The following L3MBTL4 variants were observed in gnomAD, a reference collection of about 807,000 sequenced individuals.
The protein encoded by L3MBTL4 is lethal(3)malignant brain tumor-like protein 4.
L3MBTL4 carries 70 observed loss-of-function variants against 84.5 expected under a neutral mutation model. That is an observed-to-expected ratio of 0.83 (90% confidence interval 0.68 to 1.01). The LOEUF (loss-of-function observed/expected upper bound fraction) is 1.01, where lower values mean the gene tolerates loss of function less well. Among genes scored for constraint, L3MBTL4 ranks in the 50% least tolerant of loss-of-function variants. The pLI is 0.00. For missense variants in L3MBTL4, 715 were observed against 754.8 expected, an observed-to-expected ratio of 0.95 and a Z score of 0.62; for synonymous variants, 274 against 259.8, an observed-to-expected ratio of 1.05 and a Z score of -0.52.
At chr18:6,105,224 T>G (rs1485794483) in intron 14 of L3MBTL4, among the ~76,000 whole-genome samples, 1 of 138,046 alleles carries the variant, frequency 7.2e-6, no homozygotes, top group East Asian at 2.2e-4. Flanking sequence ...AGAATCTCGC[T>G]CTGTCTCCCA....
intron 1 of L3MBTL4, among the ~76,000 whole-genome samples, chr18:6,385,088 A>G (rs1378182738): frequency 6.6e-6 from 1 of 152,180 alleles, no homozygotes; most frequent in African/African-American, 2.4e-5. Flanking sequence ...CACTATTTCT[A>G]TGGCATTAGA....
chr18:6,133,058 G>T (rs2059922746), intron 14 of L3MBTL4, among the ~76,000 whole-genome samples: 1 of 152,168 alleles, frequency 6.6e-6, no homozygotes, highest in African/African-American at 2.4e-5. Context: ...TGACGATAAT[G>T]ATTCAAGTTT....
At chr18:6,312,153 A>T (rs960847044) in intron 1 of L3MBTL4, 97 bp from the exon 2 acceptor site, 1 of 152,292 alleles carries the variant, frequency 6.6e-6, no homozygotes, top group Non-Finnish European at 1.5e-5. Flanking sequence ...TTGAAAAGTT[A>T]TTTGAAATGA....
chr18:6,069,596 G>A (rs993136708), intron 16 of L3MBTL4, among the ~76,000 whole-genome samples: 4 of 152,178 alleles, frequency 2.6e-5, no homozygotes, highest in African/African-American at 7.2e-5. Flanking sequence ...TGCGGCCACT[G>A]TGAGGATTGG....
intron 1 of L3MBTL4, among the ~76,000 whole-genome samples, chr18:6,403,092 G>C (rs2055579125): frequency 6.6e-6 from 1 of 152,198 alleles, no homozygotes; most frequent in South Asian, 2.1e-4. Flanking sequence ...CCATATGTGG[G>C]ACAGTTCTTC....
intron 16 of L3MBTL4, among the ~76,000 whole-genome samples, chr18:6,071,130 C>A (rs942525956): frequency 1.3e-5 from 2 of 152,058 alleles, no homozygotes; most frequent in Admixed American, 1.3e-4. Flanking sequence ...GTGGCTTATA[C>A]CTGTTATCCC....
intron 10 of L3MBTL4, among the ~76,000 whole-genome samples, chr18:6,220,195 A>G (rs2046492221): frequency 6.6e-6 from 1 of 152,174 alleles, no homozygotes; most frequent in African/African-American, 2.4e-5. Flanking sequence ...GGGTTAAACA[A>G]TGGTAAATAT....
In L3MBTL4 at chr18:6,068,777, G is replaced by A. The variant is rs978495178; in HGVS notation, c.1444+12104C>T. ...GATGCTGCCTGATTGTTGGGGTAGA[G>A]GTGTAGACTTTCTTTACTGCACCCA... On this transcript the variant is annotated intron_variant, in intron 16 of 18. Transcript: ENST00000317931. Among the ~76,000 whole-genome samples, 4 of 152,298 alleles carry A rather than the reference G, an allele frequency of 2.6e-5. No homozygotes were observed. The East Asian group carries it at 7.7e-4, about 29-fold the overall frequency.
At chr18:6,020,452 C>CTGCTGG (rs2055196508) in intron 16 of L3MBTL4, among the ~76,000 whole-genome samples, 3 of 152,102 alleles carry the variant, frequency 2.0e-5, no homozygotes, top group Non-Finnish European at 2.9e-5. Context: ...TATTCTGAGG[C>CTGCTGG]AGCTGGAGAG....
rs74527989 is a variant in L3MBTL4 at position 6,095,724 on chromosome 18, C to G, written c.1200-2196G>C. On this transcript the variant is annotated intron_variant, in intron 14 of 18. Transcript: ENST00000317931. ...ATAGCACAGTCCTTGTGCAGAGAGACCCAGAGGCAAGTATTTACAGGCTAA... is the reference window on the plus strand; with the variant it reads ...ATAGCACAGTCCTTGTGCAGAGAGAGCCAGAGGCAAGTATTTACAGGCTAA... Among the ~76,000 whole-genome samples the G allele has an allele frequency of 4.3e-4, 66 of 152,220 alleles. 1 individual carries two copies. In the East Asian group the frequency reaches 0.012, roughly 27 times the overall value.
chr18:6,064,858 T>C (rs1283950581), intron 16 of L3MBTL4, among the ~76,000 whole-genome samples: 3 of 152,118 alleles, frequency 2.0e-5, no homozygotes, highest in African/African-American at 7.2e-5. Context: ...CCTTGTTTGA[T>C]TGCTCTGGTT....
intron 10 of L3MBTL4, among the ~76,000 whole-genome samples, chr18:6,237,056 T>C (rs1429082126): frequency 1.3e-5 from 2 of 152,218 alleles, no homozygotes; most frequent in African/African-American, 4.8e-5. Flanking sequence ...ACAGCCTGTA[T>C]TTCTAATTCA....
intron 10 of L3MBTL4, among the ~76,000 whole-genome samples, chr18:6,225,605 C>T (rs1418483309): frequency 1.3e-5 from 2 of 151,946 alleles, no homozygotes; most frequent in Non-Finnish European, 2.9e-5. Flanking sequence ...ACCAAAAATA[C>T]AAACATTAAC....
At chr18:6,398,770 A>G (rs1173269620) in intron 1 of L3MBTL4, among the ~76,000 whole-genome samples, 1 of 151,770 alleles carries the variant, frequency 6.6e-6, no homozygotes, top group Non-Finnish European at 1.5e-5. Flanking sequence ...GGGAGAAAAA[A>G]AAAGAAGACT....
intron 16 of L3MBTL4, among the ~76,000 whole-genome samples, chr18:6,037,888 G>T (rs937578157): frequency 2.0e-5 from 3 of 152,174 alleles, no homozygotes; most frequent in Admixed American, 2.0e-4. Flanking sequence ...TAAAGTGCTG[G>T]TTGCTCTGAA....
At chr18:6,365,015 A>G (rs1001814632) in intron 1 of L3MBTL4, among the ~76,000 whole-genome samples, 4 of 152,158 alleles carry the variant, frequency 2.6e-5, no homozygotes, top group African/African-American at 9.6e-5. Context: ...AAGCTTTCAA[A>G]TTAAATAAAA....
chr18:6,165,588 T>A (rs947702532), intron 13 of L3MBTL4, among the ~76,000 whole-genome samples: 2 of 152,124 alleles, frequency 1.3e-5, no homozygotes, highest in African/African-American at 4.8e-5. Flanking sequence ...CTAAGCTTCA[T>A]AACTGAAGGA....
chr18:6,221,966 G>T (rs1270018865), intron 10 of L3MBTL4, among the ~76,000 whole-genome samples: 2 of 152,226 alleles, frequency 1.3e-5, no homozygotes, highest in Non-Finnish European at 2.9e-5. Flanking sequence ...GTCACTAATT[G>T]TCTTGTATGA....
chr18:6,377,315 G>T (rs1274893711), intron 1 of L3MBTL4, among the ~76,000 whole-genome samples: 3 of 151,968 alleles, frequency 2.0e-5, no homozygotes, highest in Non-Finnish European at 4.4e-5. Flanking sequence ...TCCTGAGTTG[G>T]TTTTTTTAAT....
Sources: gnomAD v4.1 joint callset for allele counts (sites outside exome capture counted in the v4.1 genomes callset) on GRCh38, gnomAD v4.1.1 for gene constraint, MANE v1.5 for transcripts, NCBI Gene and HGNC (gene_info 2026-07-23, HGNC 2026-07-21) for gene names.